The following SRPRB variants were observed in gnomAD, a reference collection of about 807,000 sequenced individuals.
SRPRB encodes the protein SRP receptor subunit beta.
Under a neutral mutation model 31.9 loss-of-function variants are expected in SRPRB, and 20 were observed. That is an observed-to-expected ratio of 0.63 (90% CI 0.44 to 0.91). The LOEUF is 0.91. SRPRB is among the 40% of genes least tolerant of loss of function. The probability of loss-of-function intolerance (pLI) is 0.00; values close to 1 mark genes in which losing one functional copy is unlikely to be tolerated. For synonymous variants in SRPRB, 146 were observed against 132.8 expected (o/e 1.10, Z -0.68); for missense variants, 321 against 324.9 (o/e 0.99, Z 0.09).
At chr3:133,823,977 C>CCAT (rs1207053072), downstream of SRPRB, among the ~76,000 whole-genome samples, 2 of 152,156 alleles carry the variant, frequency 1.3e-5, no homozygotes, top group Non-Finnish European at 2.9e-5. Flanking sequence ...GGCTCCCTTC[C>CCAT]CATCAGCCTT....
chr3:133,823,171 C>G (rs1258218904), downstream of SRPRB, among the ~76,000 whole-genome samples: 3 of 152,208 alleles, frequency 2.0e-5, no homozygotes, highest in Non-Finnish European at 4.4e-5. Flanking sequence ...TGCCACTTTT[C>G]CACTGGCCTC....
intron 6 of SRPRB, among the ~76,000 whole-genome samples, chr3:133,818,306 G>A (rs903605458): frequency 2.0e-5 from 3 of 152,196 alleles, no homozygotes; most frequent in African/African-American, 4.8e-5. Flanking sequence ...GTTTTCCATA[G>A]GCTGTTTGCT....
Position 133,806,638 on chromosome 3 carries a change from A to G in SRPRB, c.184A>G (p.Ser62Gly), listed in dbSNP as rs768418497. The G allele has an allele frequency of 9.3e-6, 15 of 1,614,066 alleles. No homozygotes were observed. In the Admixed American group the frequency reaches 2.2e-4, roughly 23 times the overall value. ...CTGGAAGTTAATCCGGAGCAGAAGG[A>G]GCAGTCAGAGAGCTGTTCTTCTTGT... ...VFWKLIRSRRSSQRAVLLVGL... is the reference protein window; with the variant it reads ...VFWKLIRSRRGSQRAVLLVGL... Residue 62 changes from serine (S) to glycine (G), a missense_variant, in exon 2 of 7, where the codon AGC becomes GGC. Physicochemically the swap from Ser to Gly is moderately conservative, Grantham distance 56. Transcript: ENST00000678299.
intron 6 of SRPRB, among the ~76,000 whole-genome samples, chr3:133,818,344 A>G (rs1935401862): frequency 6.6e-6 from 1 of 152,258 alleles, no homozygotes; most frequent in Admixed American, 6.5e-5. Flanking sequence ...AGAGAAAAAC[A>G]ATACAGAAGC....
intron 4 of SRPRB, among the ~76,000 whole-genome samples, chr3:133,813,040 C>G (rs1364960688): frequency 6.6e-6 from 1 of 152,136 alleles, no homozygotes; most frequent in Non-Finnish European, 1.5e-5. Context: ...TTTGGAATGT[C>G]TCTTTTAGCT....
chr3:133,794,254 T>C (rs1934912636), intron 1 of SRPRB: 1 of 152,188 alleles, frequency 6.6e-6, no homozygotes, highest in African/African-American at 2.4e-5. Flanking sequence ...ATGATCCAAA[T>C]TGAATATATT....
At chr3:133,793,248 C>T (rs1343892697) in intron 1 of SRPRB, 1 of 152,078 alleles carries the variant, frequency 6.6e-6, no homozygotes, top group Non-Finnish European at 1.5e-5. Flanking sequence ...AAGGTTTTTG[C>T]CTTTTAAAAC....
intron 5 of SRPRB, 97 bp downstream of exon 5, chr3:133,815,823 G>A (rs891262852): frequency 7.2e-7 from 1 of 1,396,658 alleles, no homozygotes; most frequent in African/African-American, 1.4e-5. Context: ...TATTGAGGAT[G>A]AGATACAATT....
intron 1 of SRPRB, chr3:133,790,306 C>T (rs545852763): frequency 6.6e-6 from 1 of 152,220 alleles, no homozygotes; most frequent in South Asian, 2.1e-4. Flanking sequence ...GGATTTCTAG[C>T]TTTTTAGCGT....
At chr3:133,800,554 T>C (rs1383032767) in intron 1 of SRPRB, among the ~76,000 whole-genome samples, 2 of 152,240 alleles carry the variant, frequency 1.3e-5, no homozygotes, top group Non-Finnish European at 1.5e-5. Flanking sequence ...TATAGGGGAC[T>C]GATCCTACTT....
intron 3 of SRPRB, among the ~76,000 whole-genome samples, chr3:133,809,045 T>A (rs139422474): frequency 0.021 from 3,180 of 151,882 alleles, 117 homozygotes; most frequent in African/African-American, 0.073. Flanking sequence ...CAGGCTGGAG[T>A]GCAGTGGCAT....
In SRPRB at chr3:133,813,666, G is replaced by A. The variant is rs554792926; in HGVS notation, c.411-1924G>A. On this transcript the variant is annotated intron_variant, in intron 4 of 6. Coordinates refer to ENST00000678299, the MANE Select transcript of SRPRB (RefSeq NM_001379313.1). ...GATAGCTTTATTATCTTAGTTTTGG[G>A]GTGCTGATTATTCTCTTTGGGGTAC... 1.3e-4 allele frequency among the ~76,000 whole-genome samples: 19 copies of A among 151,906 alleles called. 1 individual carries two copies. The South Asian group carries it at 4.0e-3, about 32-fold the overall frequency.
At chr3:133,817,853 T>C (rs901072648) in intron 6 of SRPRB, among the ~76,000 whole-genome samples, 2 of 152,214 alleles carry the variant, frequency 1.3e-5, no homozygotes, top group African/African-American at 4.8e-5. Flanking sequence ...CTCAGGAGCT[T>C]AGAGTCTGGT....
rs773933809 is a variant in SRPRB at position 133,816,895 on chromosome 3, TCAG to T, written c.568_570del (p.Ala190del). On this transcript the variant is annotated inframe_deletion, in exon 6 of 7. Transcript: ENST00000678299. ...CTTTACAGATATTGCAATGGCAAAA[TCAG>T]CAAAGTTAATTCAACAGCAGCTGGA... 43 of 1,609,854 alleles carry T rather than the reference TCAG, an allele frequency of 2.7e-5. No homozygotes were observed. Among genetic ancestry groups the T allele is most frequent in the Middle Eastern group, 1.6e-4 (1 of 6,072 alleles).
At chr3:133,816,155 T>C (rs1935361400) in intron 5 of SRPRB, among the ~76,000 whole-genome samples, 1 of 152,174 alleles carries the variant, frequency 6.6e-6, no homozygotes, top group Non-Finnish European at 1.5e-5. Flanking sequence ...ATTGAAAACT[T>C]TTCTAGTAAT....
intron 6 of SRPRB, among the ~76,000 whole-genome samples, chr3:133,818,703 G>A (rs1935409022): frequency 6.6e-6 from 1 of 151,874 alleles, no homozygotes; most frequent in Non-Finnish European, 1.5e-5. Flanking sequence ...ATGCCTAGAA[G>A]GCCCCTGTTT....
At chr3:133,818,984 A>C (rs182907225) in intron 6 of SRPRB, among the ~76,000 whole-genome samples, 1 of 152,146 alleles carries the variant, frequency 6.6e-6, no homozygotes, top group African/African-American at 2.4e-5. Flanking sequence ...AGGCCGACAA[A>C]TGAGTGTTGC....
intron 4 of SRPRB, among the ~76,000 whole-genome samples, chr3:133,812,106 T>C (rs1935273007): frequency 6.6e-6 from 1 of 152,234 alleles, no homozygotes; most frequent in Non-Finnish European, 1.5e-5. Context: ...CATTTTAATA[T>C]CTCTGAATTT....
At chr3:133,807,621 CT>C in intron 2 of SRPRB, 124 bp from the exon 3 acceptor site, 2 of 665,102 alleles carry the variant, frequency 3.0e-6, no homozygotes, top group East Asian at 3.0e-5. Flanking sequence ...TCAATATCGT[CT>C]TTTTCACCTG....
Sources: gnomAD v4.1 joint callset for allele counts (sites outside exome capture counted in the v4.1 genomes callset) on GRCh38, gnomAD v4.1.1 for gene constraint, MANE v1.5 for transcripts, NCBI Gene and HGNC (gene_info 2026-07-23, HGNC 2026-07-21) for gene names.